The following PLCB4 variants were observed in gnomAD, a reference collection of about 807,000 sequenced individuals.
The protein encoded by PLCB4 is 1-phosphatidylinositol 4,5-bisphosphate phosphodiesterase beta-4.
In PLCB4, 77 loss-of-function variants were observed where a neutral mutation model predicts 178.8. That is an observed-to-expected ratio of 0.43 (90% CI 0.36 to 0.52). PLCB4 has a LOEUF of 0.52. PLCB4 is among the 20% of genes least tolerant of loss of function. The pLI, the probability that PLCB4 is intolerant of heterozygous loss-of-function variation, is 0.00. For synonymous variants in PLCB4, 496 were observed against 490.8 expected (o/e 1.01, Z -0.14); for missense variants, 1,024 against 1,453.4 (o/e 0.70, Z 4.80).
At chr20:9,149,517 A>T (rs976816049) in intron 2 of PLCB4, among the ~76,000 whole-genome samples, 3 of 152,060 alleles carry the variant, frequency 2.0e-5, no homozygotes, top group Admixed American at 2.0e-4. Context: ...TTCCCTCCTG[A>T]TTTGCTTCTT....
chr20:9,395,311 T>C (rs755209801), intron 18 of PLCB4, among the ~76,000 whole-genome samples: 2 of 152,162 alleles, frequency 1.3e-5, no homozygotes, highest in Non-Finnish European at 2.9e-5. Flanking sequence ...CATGTGTATA[T>C]AAGGTGGTTG....
intron 28 of PLCB4, among the ~76,000 whole-genome samples, chr20:9,426,566 G>A (rs1248403136): frequency 2.6e-5 from 4 of 152,068 alleles, no homozygotes; most frequent in South Asian, 4.2e-4. Context: ...TAGTAGAGAC[G>A]GGGTTTCACC....
chr20:9,464,892 A>G lies in PLCB4; in HGVS notation c.3249-3679A>G, dbSNP rs146492416. On this transcript the variant is annotated intron_variant, in intron 35 of 39. Coordinates refer to ENST00000378473, the MANE Select transcript of PLCB4 (RefSeq NM_001377142.1). Reference sequence around the variant, plus strand: ...ATACCATTCCTTCTGAAACTATTCCAATCAACAGAAAAAGAGGGAATCCTC... The same window carrying G: ...ATACCATTCCTTCTGAAACTATTCCGATCAACAGAAAAAGAGGGAATCCTC... Among the ~76,000 whole-genome samples, 1,279 of 152,336 alleles carry G rather than the reference A, an allele frequency of 8.4e-3. 8 individuals are homozygous for G. Among genetic ancestry groups the G allele is most frequent in the Non-Finnish European group, 0.014 (977 of 68,034 alleles).
intron 2 of PLCB4, among the ~76,000 whole-genome samples, chr20:9,203,777 GTTTTTTTTTTTTTTTT>G: frequency 9.8e-6 from 1 of 101,704 alleles, no homozygotes; most frequent in Non-Finnish European, 2.0e-5. Context: ...TGGGAATAGT[GTTTTTTTTTTTTTTTT>G]TTTTTTTTTT....
At chr20:9,463,990 C>G (rs1405516524) in intron 35 of PLCB4, among the ~76,000 whole-genome samples, 1 of 152,130 alleles carries the variant, frequency 6.6e-6, no homozygotes, top group African/African-American at 2.4e-5. Context: ...TTCTCAGCAC[C>G]ACATCACACT....
chr20:9,231,080 A>G (rs1393519974), intron 3 of PLCB4, among the ~76,000 whole-genome samples: 2 of 152,132 alleles, frequency 1.3e-5, no homozygotes, highest in Non-Finnish European at 2.9e-5. Context: ...TGTATTCCCA[A>G]ATTTGGAGAC....
At chr20:9,075,328 C>T (rs1300938639) in intron 1 of PLCB4, among the ~76,000 whole-genome samples, 1 of 152,096 alleles carries the variant, frequency 6.6e-6, no homozygotes, top group Non-Finnish European at 1.5e-5. Flanking sequence ...TGAGATATGA[C>T]AAAAGCTTCT....
rs1204876136 is a variant in PLCB4, at chr20:9,301,273, G to A, written c.-15-6527G>A. 2.0e-5 allele frequency among the ~76,000 whole-genome samples: 3 copies of A among 151,850 alleles called. No individual in the cohort carries two copies. In the East Asian group the frequency reaches 5.9e-4, roughly 30 times the overall value. On this transcript the variant is annotated intron_variant, in intron 3 of 39. Coordinates refer to ENST00000378473, the MANE Select transcript of PLCB4 (RefSeq NM_001377142.1). ...GTTAGGAGGTGGGTATCTTTTGGGG[G>A]CCATTTATTCAGCCTGCCATACCCA... is the stretch of plus-strand genomic sequence containing the variant.
intron 13 of PLCB4, 24 bp downstream of exon 13, chr20:9,380,186 T>TAAAA: frequency 1.0e-6 from 1 of 953,318 alleles, no homozygotes; most frequent in Non-Finnish European, 1.5e-6. Flanking sequence ...AAAAAGGACT[T>TAAAA]AAAAAAAAAA....
At chr20:9,270,045 C>A (rs888618576) in intron 3 of PLCB4, among the ~76,000 whole-genome samples, 1 of 152,006 alleles carries the variant, frequency 6.6e-6, no homozygotes, top group Admixed American at 6.6e-5. Flanking sequence ...ATCCATAGTA[C>A]ATAATACAGT....
chr20:9,130,786 C>G (rs1289139533), intron 2 of PLCB4, among the ~76,000 whole-genome samples: 2 of 152,176 alleles, frequency 1.3e-5, no homozygotes, highest in Non-Finnish European at 2.9e-5. Flanking sequence ...ATCAGATAAG[C>G]AAGAAGTAAT....
At chr20:9,098,717 G>A (rs944224130) in intron 2 of PLCB4, among the ~76,000 whole-genome samples, 94 of 136,612 alleles carry the variant, frequency 6.9e-4, no homozygotes, top group African/African-American at 2.6e-3. Context: ...ACATATATAC[G>A]TGTGTGTGTA....
chr20:9,326,838 G>A (rs1402543009), intron 4 of PLCB4, among the ~76,000 whole-genome samples: 2 of 152,036 alleles, frequency 1.3e-5, no homozygotes, highest in Non-Finnish European at 2.9e-5. Flanking sequence ...CCAGAGTTAC[G>A]AACTCTGGGT....
chr20:9,086,668 A>G (rs2090437162), intron 1 of PLCB4, among the ~76,000 whole-genome samples: 2 of 152,060 alleles, frequency 1.3e-5, no homozygotes, highest in South Asian at 4.2e-4. Flanking sequence ...CCCTCCTTCC[A>G]AGGCTGTGTT....
intron 7 of PLCB4, among the ~76,000 whole-genome samples, chr20:9,361,169 G>A (rs2035292271): frequency 6.6e-6 from 1 of 152,126 alleles, no homozygotes; most frequent in African/African-American, 2.4e-5. Context: ...TTCCACATCT[G>A]GTTATTTATC....
chr20:9,419,602 G>A (rs936911266), intron 25 of PLCB4, among the ~76,000 whole-genome samples: 5 of 152,162 alleles, frequency 3.3e-5, no homozygotes, highest in Non-Finnish European at 5.9e-5. Flanking sequence ...GATAGGATCA[G>A]GAAGTCCTGG....
chr20:9,427,688 G>GC (rs1207188259), intron 28 of PLCB4, among the ~76,000 whole-genome samples: 1 of 152,192 alleles, frequency 6.6e-6, no homozygotes, highest in East Asian at 1.9e-4. Flanking sequence ...CAGTTCCAGG[G>GC]CTAATGGCAA....
At chr20:9,373,165 G>A in intron 12 of PLCB4, 61 bp downstream of exon 12, 1 of 777,858 alleles carries the variant, frequency 1.3e-6, no homozygotes, top group Non-Finnish European at 2.2e-6. Flanking sequence ...CTTCTCTGGT[G>A]TCCTCATTGC....
chr20:9,463,760 G>A (rs962721916), intron 35 of PLCB4, among the ~76,000 whole-genome samples: 1 of 152,066 alleles, frequency 6.6e-6, no homozygotes, highest in African/African-American at 2.4e-5. Context: ...CCCAATACAG[G>A]AGCATGCAGA....
Sources: gnomAD v4.1 joint callset for allele counts (sites outside exome capture counted in the v4.1 genomes callset) on GRCh38, gnomAD v4.1.1 for gene constraint, MANE v1.5 for transcripts, NCBI Gene and HGNC (gene_info 2026-07-23, HGNC 2026-07-21) for gene names.